FNDC3B: variants seen among roughly 807,000 people sequenced by gnomAD.
The protein encoded by FNDC3B is fibronectin type III domain-containing protein 3B.
A neutral mutation model predicts 151.5 loss-of-function variants in FNDC3B; 12 were observed. The observed-to-expected ratio is 0.08, with a 90% CI of 0.05 to 0.13. The LOEUF is 0.13. FNDC3B is among the 10% of genes least tolerant of loss of function. The pLI is 1.00. For missense variants in FNDC3B, 1,214 were observed against 1,505.3 expected, an observed-to-expected ratio of 0.81 and a Z score of 3.20; for synonymous variants, 528 against 549.0, an observed-to-expected ratio of 0.96 and a Z score of 0.54.
chr3:172,053,604 T>A (rs759111153), intron 1 of FNDC3B, among the ~76,000 whole-genome samples: 1 of 152,042 alleles, frequency 6.6e-6, no homozygotes, highest in Admixed American at 6.6e-5. Context: ...AAACCCCATC[T>A]CTACTAAAAA....
intron 1 of FNDC3B, among the ~76,000 whole-genome samples, chr3:172,044,135 CAGTA>C (rs1232069682): frequency 6.6e-6 from 1 of 152,158 alleles, no homozygotes; most frequent in African/African-American, 2.4e-5. Flanking sequence ...AAGATTAAAA[CAGTA>C]AGAAAGATCT....
intron 4 of FNDC3B, among the ~76,000 whole-genome samples, chr3:172,240,378 A>T (rs894688349): frequency 6.6e-6 from 1 of 152,226 alleles, no homozygotes; most frequent in Non-Finnish European, 1.5e-5. Flanking sequence ...TACATTATGT[A>T]TCAGGTACTG....
intron 5 of FNDC3B, among the ~76,000 whole-genome samples, chr3:172,251,016 C>T (rs972182557): frequency 2.0e-5 from 3 of 152,100 alleles, no homozygotes; most frequent in East Asian, 3.8e-4. Context: ...TGGGGTTTCA[C>T]CATGTTGCCC....
intron 22 of FNDC3B, among the ~76,000 whole-genome samples, chr3:172,357,736 G>GT (rs969768528): frequency 2.8e-4 from 41 of 148,370 alleles, no homozygotes; most frequent in East Asian, 7.9e-4. Flanking sequence ...CAGTTCCTCA[G>GT]TTTTTTTTTT....
intron 4 of FNDC3B, among the ~76,000 whole-genome samples, chr3:172,234,973 A>G (rs1237278493): frequency 1.3e-5 from 2 of 152,204 alleles, no homozygotes; most frequent in Non-Finnish European, 2.9e-5. Context: ...TGTTACCTGA[A>G]TATCTTCAGA....
chr3:172,070,416 C>T (rs1717710781), intron 1 of FNDC3B, among the ~76,000 whole-genome samples: 1 of 152,118 alleles, frequency 6.6e-6, no homozygotes, highest in Admixed American at 6.5e-5. Flanking sequence ...TTTTCTTTCT[C>T]TGGAATTGGT....
chr3:172,387,832 A>G (rs1260727328), intron 25 of FNDC3B, among the ~76,000 whole-genome samples: 1 of 152,240 alleles, frequency 6.6e-6, no homozygotes, highest in East Asian at 1.9e-4. Flanking sequence ...GAAAACCCCC[A>G]GGAAGCAGTT....
chr3:172,083,889 A>G (rs1033345378), intron 1 of FNDC3B, among the ~76,000 whole-genome samples: 2 of 152,206 alleles, frequency 1.3e-5, no homozygotes, highest in African/African-American at 4.8e-5. Flanking sequence ...GGACCCAGGC[A>G]TAGGTTTAGC....
intron 19 of FNDC3B, among the ~76,000 whole-genome samples, chr3:172,345,422 T>A (rs1733556265): frequency 6.6e-6 from 1 of 152,176 alleles, no homozygotes; most frequent in Non-Finnish European, 1.5e-5. Flanking sequence ...GCCCTTTCAC[T>A]GATTTATCCT....
intron 22 of FNDC3B, among the ~76,000 whole-genome samples, chr3:172,354,374 C>A (rs9832034): frequency 0.42 from 64,327 of 151,374 alleles, 14,183 homozygotes; most frequent in East Asian, 0.7. Flanking sequence ...ATCATGAAAT[C>A]ATAAACTAAA....
rs529525105 is a variant in FNDC3B, at chr3:172,340,185, C to T, written c.1853-928C>T. Among the ~76,000 whole-genome samples, 10 of 152,284 alleles carry T rather than the reference C, an allele frequency of 6.6e-5. No individual in the cohort carries two copies. In the South Asian group the frequency reaches 1.9e-3, roughly 28 times the overall value. ...GCATCAGCCTTGGGGGGCACCCAGA[C>T]TCCTGGTGACCGTTTCTCTCTTCAG... On this transcript the variant is annotated intron_variant, in intron 16 of 25. Coordinates refer to ENST00000415807, the MANE Select transcript of FNDC3B (RefSeq NM_022763.4).
At chr3:172,163,909 A>G (rs9818206) in intron 3 of FNDC3B, among the ~76,000 whole-genome samples, 64,276 of 152,092 alleles carry the variant, frequency 0.42, 14,193 homozygotes, top group Middle Eastern at 0.48. Flanking sequence ...CCTTTGGTAC[A>G]TTCAGACTTT....
chr3:172,057,628 A>G (rs888670366), intron 1 of FNDC3B, among the ~76,000 whole-genome samples: 4 of 151,924 alleles, frequency 2.6e-5, no homozygotes, highest in African/African-American at 9.7e-5. Context: ...GTCTTGCTCT[A>G]TGAGAGTGAA....
chr3:172,222,694 G>A (rs1436907297), intron 3 of FNDC3B, among the ~76,000 whole-genome samples: 1 of 152,110 alleles, frequency 6.6e-6, no homozygotes, highest in African/African-American at 2.4e-5. Flanking sequence ...TGCCGCTGCC[G>A]ATCTGACAGG....
At chr3:172,318,438 T>C (rs1323880424) in intron 11 of FNDC3B, among the ~76,000 whole-genome samples, 2 of 152,224 alleles carry the variant, frequency 1.3e-5, no homozygotes, top group Non-Finnish European at 2.9e-5. Context: ...AAGAGATCAA[T>C]TAATCAGACT....
At chr3:172,308,611 C>G (rs1351342937) in intron 10 of FNDC3B, among the ~76,000 whole-genome samples, 1 of 152,186 alleles carries the variant, frequency 6.6e-6, no homozygotes, top group African/African-American at 2.4e-5. Context: ...CTCAGTTGAT[C>G]CCTCTTAGGT....
intron 1 of FNDC3B, among the ~76,000 whole-genome samples, chr3:172,078,974 C>T (rs1299803872): frequency 2.0e-5 from 3 of 152,184 alleles, no homozygotes; most frequent in Non-Finnish European, 4.4e-5. Flanking sequence ...CTTTTCCCCA[C>T]GTAATCTCTG....
At chr3:172,190,858 G>A (rs1400403791) in intron 3 of FNDC3B, among the ~76,000 whole-genome samples, 2 of 152,094 alleles carry the variant, frequency 1.3e-5, no homozygotes, top group Admixed American at 1.3e-4. Flanking sequence ...TAGTAGAGAC[G>A]GGGTCTCTTC....
In FNDC3B at chr3:172,040,110, C is replaced by T. The variant is rs1312459047; in HGVS notation, c.-29+339C>T. 6.6e-6 allele frequency among the ~76,000 whole-genome samples: 1 copy of T among 152,182 alleles called. No individual in the cohort carries two copies. The highest frequency in any genetic ancestry group is 1.5e-5 in the Non-Finnish European group (1 of 68,012). On this transcript the variant is annotated intron_variant, in intron 1 of 25. Coordinates refer to ENST00000415807, the MANE Select transcript of FNDC3B (RefSeq NM_022763.4). This position sits in a 1 kb window ranked among gnomAD's most constrained non-coding sequence, Gnocchi z 6.6. ...TTGGGCAGTGGCTCGCGGCCTCCCC[C>T]CACCCCCAGCCTTCCCAGCAGATTT...
Sources: allele counts gnomAD v4.1 joint callset (sites outside exome capture counted in the v4.1 genomes callset), GRCh38; gene constraint gnomAD v4.1.1; non-coding constraint Gnocchi (gnomAD v3.1); transcripts MANE v1.5; gene names NCBI Gene and HGNC (gene_info 2026-07-23, HGNC 2026-07-21).